The following KSR2 variants were observed in gnomAD, a reference collection of about 807,000 sequenced individuals.
The protein encoded by KSR2 is kinase suppressor of ras 2.
Under a neutral mutation model 107.8 loss-of-function variants are expected in KSR2, and 25 were observed. That is an observed-to-expected ratio of 0.23 (90% confidence interval 0.17 to 0.32). The LOEUF (loss-of-function observed/expected upper bound fraction) is 0.32, where lower values mean the gene tolerates loss of function less well. KSR2 is among the 10% of genes least tolerant of loss of function. The probability of loss-of-function intolerance (pLI) is 1.00; values close to 1 mark genes in which losing one functional copy is unlikely to be tolerated. For missense variants in KSR2, 887 were observed against 1,268.9 expected, an observed-to-expected ratio of 0.70 and a Z score of 4.57; for synonymous variants, 480 against 507.0, an observed-to-expected ratio of 0.95 and a Z score of 0.71.
At chr12:117,605,105 G>A (rs1045745783) in intron 5 of KSR2, among the ~76,000 whole-genome samples, 35 of 152,290 alleles carry the variant, frequency 2.3e-4, no homozygotes, top group Admixed American at 2.1e-3. Flanking sequence ...AGAAGAGATG[G>A]AATGAATTCA....
At chr12:117,756,231 C>T (rs150555378) in intron 4 of KSR2, among the ~76,000 whole-genome samples, 2 of 152,342 alleles carry the variant, frequency 1.3e-5, no homozygotes, top group Non-Finnish European at 1.5e-5. Context: ...TTATATTCAA[C>T]GATGCCATCT....
chr12:117,614,709 G>A (rs1881781237), intron 5 of KSR2, among the ~76,000 whole-genome samples: 1 of 152,152 alleles, frequency 6.6e-6, no homozygotes, highest in East Asian at 1.9e-4. Context: ...AGAGGAAAAT[G>A]AATCAACATT....
intron 1 of KSR2, among the ~76,000 whole-genome samples, chr12:117,875,937 C>A (rs1483338370): frequency 6.6e-6 from 1 of 152,206 alleles, no homozygotes; most frequent in African/African-American, 2.4e-5. Context: ...GCGTTCAGAT[C>A]CGTGCCTGGC....
chr12:117,662,682 G>A (rs1884487278), intron 5 of KSR2, among the ~76,000 whole-genome samples: 1 of 152,198 alleles, frequency 6.6e-6, no homozygotes, highest in Non-Finnish European at 1.5e-5. Context: ...AGATGGGGAA[G>A]TTCTGGAACC....
chr12:117,555,954 C>T (rs1450588911), intron 8 of KSR2, among the ~76,000 whole-genome samples: 1 of 151,212 alleles, frequency 6.6e-6, no homozygotes, highest in Non-Finnish European at 1.5e-5. Flanking sequence ...TACTTGTTAG[C>T]TGTTGTTGTT....
chr12:117,510,519 G>A (rs1324579774), intron 14 of KSR2, among the ~76,000 whole-genome samples: 1 of 152,150 alleles, frequency 6.6e-6, no homozygotes, highest in Non-Finnish European at 1.5e-5. Context: ...CTGCAGCAAG[G>A]GACAAGAGTG....
At chr12:117,664,360 C>A (rs1286195708) in intron 5 of KSR2, among the ~76,000 whole-genome samples, 1 of 152,194 alleles carries the variant, frequency 6.6e-6, no homozygotes. Context: ...CAGACCAGAG[C>A]CAGAGCCGAC....
At chr12:117,863,427 T>G (rs539357300) in intron 1 of KSR2, among the ~76,000 whole-genome samples, 6 of 152,184 alleles carry the variant, frequency 3.9e-5, no homozygotes, top group African/African-American at 9.6e-5. Flanking sequence ...ACACCCATCA[T>G]CTGAGCCCCA....
intron 1 of KSR2, among the ~76,000 whole-genome samples, chr12:117,876,105 G>A (rs1348797627): frequency 1.3e-5 from 2 of 152,194 alleles, no homozygotes; most frequent in African/African-American, 2.4e-5. Context: ...TAAGGTTCTC[G>A]GGTGAGCAGA....
intron 4 of KSR2, among the ~76,000 whole-genome samples, chr12:117,676,975 A>G (rs900106277): frequency 6.6e-6 from 1 of 152,222 alleles, no homozygotes; most frequent in Non-Finnish European, 1.5e-5. Context: ...TCAAACACAC[A>G]AAGTCTGAGA....
At chr12:117,480,021 CAT>C (rs1491476510) in intron 16 of KSR2, among the ~76,000 whole-genome samples, 43 of 108,924 alleles carry the variant, frequency 3.9e-4, no homozygotes, top group East Asian at 2.0e-3. Flanking sequence ...AATCATTACA[CAT>C]GTGTATGTGT....
chr12:117,496,660 C>T (rs779882072), intron 14 of KSR2, among the ~76,000 whole-genome samples: 16 of 151,878 alleles, frequency 1.1e-4, no homozygotes, highest in Non-Finnish European at 1.6e-4. Flanking sequence ...AATCCCTAGC[C>T]CCAGGTAAGA....
rs1188450227 is a variant in KSR2 at position 117,458,712 on chromosome 12, A to C, written c.*8487T>G. 1 of 152,196 alleles carries C rather than the reference A, an allele frequency of 6.6e-6. No individual in the cohort carries two copies. The highest frequency in any genetic ancestry group is 1.5e-5 in the Non-Finnish European group (1 of 68,042). The allele number at this position is 152,196 out of a possible 1,614,324, so 9.4% of individuals were successfully genotyped here. ...AGGCAGTGGACAAGAAGGTACTCTCAGCCACCGAGCTGGTGATTAGAGGTA... is the reference window on the plus strand; with the variant it reads ...AGGCAGTGGACAAGAAGGTACTCTCCGCCACCGAGCTGGTGATTAGAGGTA... On this transcript the variant is annotated 3_prime_UTR_variant, in exon 20 of 20. Transcript: ENST00000339824.
intron 4 of KSR2, among the ~76,000 whole-genome samples, chr12:117,676,284 A>T (rs1885115626): frequency 6.6e-6 from 1 of 152,192 alleles, no homozygotes; most frequent in South Asian, 2.1e-4. Context: ...TGGCAAAAAA[A>T]AGGGGCATGA....
At chr12:117,836,847 C>T (rs753020582) in intron 3 of KSR2, among the ~76,000 whole-genome samples, 3 of 152,270 alleles carry the variant, frequency 2.0e-5, no homozygotes, top group African/African-American at 4.8e-5. Flanking sequence ...GGCTCCCATG[C>T]AGCTGGGGGT....
intron 1 of KSR2, among the ~76,000 whole-genome samples, chr12:117,943,544 T>C (rs1896077180): frequency 6.7e-6 from 1 of 149,194 alleles, no homozygotes; most frequent in Non-Finnish European, 1.5e-5. Context: ...AGCAGAATTA[T>C]TCTCAAGAGC....
At chr12:117,896,493 A>T (rs4767640) in intron 1 of KSR2, among the ~76,000 whole-genome samples, 1 of 142,524 alleles carries the variant, frequency 7.0e-6, no homozygotes, top group Non-Finnish European at 1.5e-5. Flanking sequence ...GAGTTTTGCT[A>T]TTGTTGCCCA....
At chr12:117,754,638 A>G (rs577398692) in intron 4 of KSR2, among the ~76,000 whole-genome samples, 79 of 57,392 alleles carry the variant, frequency 1.4e-3, no homozygotes, top group African/African-American at 7.3e-3. Flanking sequence ...GCTCCATCTC[A>G]AAAAAAAAAA....
chr12:117,931,157 G>C (rs1290550240), intron 1 of KSR2, among the ~76,000 whole-genome samples: 1 of 151,998 alleles, frequency 6.6e-6, no homozygotes, highest in African/African-American at 2.4e-5. Context: ...GTGTCATATG[G>C]ATAAAAACAC....
Sources: gnomAD v4.1 joint callset for allele counts (sites outside exome capture counted in the v4.1 genomes callset) on GRCh38, gnomAD v4.1.1 for gene constraint, MANE v1.5 for transcripts, NCBI Gene and HGNC (gene_info 2026-07-23, HGNC 2026-07-21) for gene names.